The following CLYBL variants were observed in gnomAD, a reference collection of about 807,000 sequenced individuals.
The protein encoded by CLYBL is citramalyl-CoA lyase, also known as citramalyl-CoA lyase, mitochondrial.
CLYBL carries 31 observed loss-of-function variants against 38.9 expected under a neutral mutation model. That is an observed-to-expected ratio of 0.80 (90% CI 0.60 to 1.08). The LOEUF (loss-of-function observed/expected upper bound fraction) is 1.08. CLYBL is among the 50% of genes least tolerant of loss of function. The pLI, the probability that CLYBL is intolerant of heterozygous loss-of-function variation, is 0.00. For missense variants in CLYBL, 434 were observed against 411.6 expected (o/e 1.05, Z -0.47); for synonymous variants, 171 against 158.6 (o/e 1.08, Z -0.59).
At chr13:99,624,889 G>T (rs2763948) in intron 1 of CLYBL, among the ~76,000 whole-genome samples, 59,638 of 152,048 alleles carry the variant, frequency 0.39, 12,024 homozygotes, top group African/African-American at 0.42. Context: ...ATCTTAGCGG[G>T]ATCCAAAATA....
chr13:99,896,290 C>G (rs1358923732), downstream of CLYBL: 1 of 152,184 alleles, frequency 6.6e-6, no homozygotes, highest in African/African-American at 2.4e-5. Flanking sequence ...TGCGCTGTTG[C>G]TAGGAGCCCG....
intron 1 of CLYBL, among the ~76,000 whole-genome samples, chr13:99,614,035 G>A (rs1005224864): frequency 1.3e-5 from 2 of 152,150 alleles, no homozygotes; most frequent in Non-Finnish European, 2.9e-5. Context: ...AACCAGGATG[G>A]CCATTCACCA....
downstream of CLYBL, chr13:99,896,922 G>C (rs757472966): frequency 6.6e-6 from 1 of 152,154 alleles, no homozygotes; most frequent in Non-Finnish European, 1.5e-5. Flanking sequence ...TGTTGAACCC[G>C]ACTGGGTGCC....
intron 7 of CLYBL, among the ~76,000 whole-genome samples, chr13:99,872,854 T>C (rs924702779): frequency 2.0e-5 from 3 of 152,180 alleles, no homozygotes; most frequent in Non-Finnish European, 4.4e-5. Context: ...CCCTTTTCCA[T>C]TGTATCTTGA....
At chr13:99,645,839 A>C (rs2047168828) in intron 1 of CLYBL, among the ~76,000 whole-genome samples, 1 of 152,072 alleles carries the variant, frequency 6.6e-6, no homozygotes, top group Admixed American at 6.5e-5. Flanking sequence ...TTAACTTGAC[A>C]TGATTCCATT....
chr13:99,898,952 G>C (rs760789427), downstream of CLYBL, among the ~76,000 whole-genome samples: 1 of 152,184 alleles, frequency 6.6e-6, no homozygotes, highest in Non-Finnish European at 1.5e-5. Context: ...CCCAGCATGA[G>C]CTTGTGGAAA....
intron 7 of CLYBL, among the ~76,000 whole-genome samples, chr13:99,875,998 G>A (rs895132425): frequency 6.0e-5 from 9 of 150,238 alleles, no homozygotes; most frequent in East Asian, 1.9e-4. Context: ...ACAAAATTGC[G>A]AAATTTTAAA....
At chr13:99,834,440 G>A (rs1215205904) in intron 2 of CLYBL, among the ~76,000 whole-genome samples, 1 of 152,154 alleles carries the variant, frequency 6.6e-6, no homozygotes. Flanking sequence ...GCCTGCAGGA[G>A]CCTCAAAGTC....
intron 8 of CLYBL, among the ~76,000 whole-genome samples, chr13:99,902,826 T>C (rs2052656692): frequency 6.6e-6 from 1 of 152,250 alleles, no homozygotes; most frequent in African/African-American, 2.4e-5. Context: ...TTTCTTTTTA[T>C]GAGGAACTTT....
At chr13:99,768,977 A>C (rs924244531) in intron 1 of CLYBL, among the ~76,000 whole-genome samples, 4 of 152,200 alleles carry the variant, frequency 2.6e-5, no homozygotes, top group African/African-American at 4.8e-5. Context: ...AATTACCTGG[A>C]GGTCACTTCA....
Position 99,866,272 on chromosome 13 carries a change from C to A in CLYBL, c.667C>A (p.Leu223Ile). The A allele has an allele frequency of 1.2e-6, 2 of 1,614,010 alleles. No individual in the cohort carries two copies. The highest frequency in any genetic ancestry group is 1.7e-6 in the Non-Finnish European group (2 of 1,180,010). Residue 223 changes from leucine (L) to isoleucine (I), a missense_variant, in exon 6 of 9, where the codon CTC (leucine) becomes ATC (isoleucine). Transcript: ENST00000339105. ...AAGTAGTAAAGAAACCCTGGATATT[C>A]TCTACGCCCGGCAAAAGATTGTTGT... ...ATSSKETLDI[L>I]YARQKIVVIA...
intron 1 of CLYBL, among the ~76,000 whole-genome samples, chr13:99,713,872 A>G (rs1249455061): frequency 2.0e-5 from 3 of 151,822 alleles, no homozygotes. Context: ...ATTTTTTTGT[A>G]GAGACAGGGT....
At chr13:99,795,797 T>G (rs2050010604) in intron 2 of CLYBL, among the ~76,000 whole-genome samples, 1 of 151,962 alleles carries the variant, frequency 6.6e-6, no homozygotes, top group Non-Finnish European at 1.5e-5. Context: ...AATTGGAGGG[T>G]GAATTCTTGG....
In CLYBL at chr13:99,674,401, C is replaced by T. The variant is rs190861973; in HGVS notation, c.62+67644C>T. ...TCCTGACCTCGTGATCTGCCCATCT[C>T]GGCCTCCCAAAGTGCTGGGATTACA... On this transcript the variant is annotated intron_variant, in intron 1 of 8. Coordinates refer to ENST00000339105, the MANE Select transcript of CLYBL (RefSeq NM_206808.5). Among the ~76,000 whole-genome samples, 389 of 152,066 alleles carry T rather than the reference C, an allele frequency of 2.6e-3. 3 individuals are homozygous for T. The highest frequency in any genetic ancestry group is 8.9e-3 in the African/African-American group (367 of 41,462).
At chr13:99,733,896 C>G (rs1396143912) in intron 1 of CLYBL, among the ~76,000 whole-genome samples, 1 of 152,124 alleles carries the variant, frequency 6.6e-6, no homozygotes, top group African/African-American at 2.4e-5. Context: ...GCAGCGTAAC[C>G]CCAAATCTTT....
intron 2 of CLYBL, among the ~76,000 whole-genome samples, chr13:99,806,468 A>T (rs1283410967): frequency 6.6e-6 from 1 of 152,208 alleles, no homozygotes; most frequent in Non-Finnish European, 1.5e-5. Context: ...GGATGACCCT[A>T]GAAGTATTGC....
chr13:99,753,930 A>G (rs1028727665), intron 1 of CLYBL, among the ~76,000 whole-genome samples: 2 of 148,874 alleles, frequency 1.3e-5, no homozygotes, highest in Non-Finnish European at 3.0e-5. Context: ...CTCTACAAAA[A>G]TACAAAACTT....
chr13:99,661,656 T>G (rs1435339690), intron 1 of CLYBL, among the ~76,000 whole-genome samples: 25 of 152,326 alleles, frequency 1.6e-4, no homozygotes, highest in Non-Finnish European at 1.5e-5. Context: ...TTGGGGTCTT[T>G]GTTACGGAAA....
At chr13:99,613,155 A>G (rs575735866) in intron 1 of CLYBL, among the ~76,000 whole-genome samples, 3 of 152,142 alleles carry the variant, frequency 2.0e-5, no homozygotes, top group Non-Finnish European at 2.9e-5. Flanking sequence ...TCTTATGTTG[A>G]TACTCTGTTT....
Sources: gnomAD v4.1 joint callset for allele counts (sites outside exome capture counted in the v4.1 genomes callset) on GRCh38, gnomAD v4.1.1 for gene constraint, MANE v1.5 for transcripts, NCBI Gene and HGNC (gene_info 2026-07-23, HGNC 2026-07-21) for gene names.